The following DOCK4 variants were observed in gnomAD, a reference collection of about 807,000 sequenced individuals.
DOCK4 encodes the protein dedicator of cytokinesis 4.
In DOCK4, 97 loss-of-function variants were observed where a neutral mutation model predicts 268.1. The ratio of observed to expected loss-of-function variants is 0.36; its 90% CI spans 0.31 to 0.43. The LOEUF is 0.43. Among genes scored for constraint, DOCK4 ranks in the 20% least tolerant of loss-of-function variants. The probability of loss-of-function intolerance (pLI) is 1.00; values close to 1 mark genes in which losing one functional copy is unlikely to be tolerated. For synonymous variants in DOCK4, 954 were observed against 887.2 expected, an observed-to-expected ratio of 1.08 and a Z score of -1.34; for missense variants, 2,145 against 2,455.7, an observed-to-expected ratio of 0.87 and a Z score of 2.67.
At chr7:111,790,918 C>T (rs1015551706) in intron 30 of DOCK4, among the ~76,000 whole-genome samples, 2 of 150,736 alleles carry the variant, frequency 1.3e-5, no homozygotes, top group African/African-American at 2.4e-5. Context: ...ATTAGCCGGG[C>T]GGGGTGGTGG....
At chr7:112,112,641 C>G (rs910584612) in intron 1 of DOCK4, among the ~76,000 whole-genome samples, 3 of 150,274 alleles carry the variant, frequency 2.0e-5, no homozygotes, top group Non-Finnish European at 3.0e-5. Context: ...GAGACTCCAA[C>G]TCAAAAAAAA....
rs74552245 is a variant in DOCK4 at position 111,742,659 on chromosome 7, G to A, written c.4678-527C>T. Among the ~76,000 whole-genome samples, 7 of 152,228 alleles carry A rather than the reference G, an allele frequency of 4.6e-5. No individual in the cohort carries two copies. The East Asian group carries it at 1.2e-3, about 25-fold the overall frequency. On this transcript the variant is annotated intron_variant, in intron 44 of 52. Transcript: ENST00000428084. ...AGGATGGAAAAAACAAAACAAAAAG[G>A]AATTCTATGACAGTTTCCATGCTTC...
chr7:112,044,019 T>C, intron 1 of DOCK4, among the ~76,000 whole-genome samples: 1 of 150,552 alleles, frequency 6.6e-6, no homozygotes, highest in Middle Eastern at 3.3e-3. Context: ...AATGCTTTAC[T>C]TATGTCCTGT....
chr7:111,856,325 G>A lies in DOCK4; in HGVS notation c.2473+7047C>T, dbSNP rs1377213813. 3.9e-5 allele frequency among the ~76,000 whole-genome samples: 6 copies of A among 152,186 alleles called. 1 individual carries two copies. In the South Asian group the frequency reaches 1.0e-3, roughly 26 times the overall value. ...TTTACATTTGTTTTCAAAACCCACAGTTAAAACCTAGGGGCAACTATGATT... is the reference window on the plus strand; with the variant it reads ...TTTACATTTGTTTTCAAAACCCACAATTAAAACCTAGGGGCAACTATGATT... On this transcript the variant is annotated intron_variant, in intron 23 of 52. Transcript: ENST00000428084.
chr7:111,990,536 C>T (rs761607934), intron 5 of DOCK4, among the ~76,000 whole-genome samples: 1 of 152,172 alleles, frequency 6.6e-6, no homozygotes, highest in Non-Finnish European at 1.5e-5. Context: ...GTGTTATCTG[C>T]TTTTTCGGTA....
At chr7:111,773,296 A>T (rs1393916022) in intron 36 of DOCK4, among the ~76,000 whole-genome samples, 2 of 152,220 alleles carry the variant, frequency 1.3e-5, no homozygotes, top group Non-Finnish European at 2.9e-5. Context: ...GTCTCCAAGA[A>T]CAGAAATGAA....
At chr7:111,819,566 T>C (rs950965755) in intron 27 of DOCK4, 3 of 152,164 alleles carry the variant, frequency 2.0e-5, no homozygotes, top group African/African-American at 7.2e-5. Flanking sequence ...AATCACCAGG[T>C]GTCTGGTCAC....
Position 111,975,661 on chromosome 7 carries a change from G to A in DOCK4, c.701+1471C>T, listed in dbSNP as rs1438064927. 2.0e-5 allele frequency among the ~76,000 whole-genome samples: 3 copies of A among 152,020 alleles called. No homozygotes were observed. The East Asian group carries it at 5.8e-4, about 29-fold the overall frequency. On this transcript the variant is annotated intron_variant, in intron 8 of 52. Transcript: ENST00000428084. ...ACACCTCATAAATTTTGTCCCTGGTGCACAAAAACACCACCTTCTAAATTC... is the reference window on the plus strand; with the variant it reads ...ACACCTCATAAATTTTGTCCCTGGTACACAAAAACACCACCTTCTAAATTC...
chr7:111,879,783 C>G (rs1438505189), intron 16 of DOCK4, among the ~76,000 whole-genome samples: 1 of 152,056 alleles, frequency 6.6e-6, no homozygotes, highest in Non-Finnish European at 1.5e-5. Flanking sequence ...AACTGACATG[C>G]TGACGAATGC....
At chr7:111,758,520 T>A (rs759685201) in intron 41 of DOCK4, 104 bp downstream of exon 41, 187 of 1,299,810 alleles carry the variant, frequency 1.4e-4, no homozygotes, top group Non-Finnish European at 1.9e-4. Flanking sequence ...CCCTTCTGTT[T>A]CTGTCACTTG....
chr7:111,973,316 G>A (rs1797886237), intron 8 of DOCK4, among the ~76,000 whole-genome samples: 1 of 151,642 alleles, frequency 6.6e-6, no homozygotes, highest in Admixed American at 6.6e-5. Flanking sequence ...CTTTTCCTCT[G>A]GCATTTTACT....
chr7:111,989,007 A>T lies in DOCK4; in HGVS notation c.464+8T>A. 6.2e-7 allele frequency: 1 copy of T among 1,605,988 alleles called. No homozygotes were observed. The highest frequency in any genetic ancestry group is 8.5e-7 in the Non-Finnish European group (1 of 1,175,862). On this transcript the variant is annotated splice_region_variant and intron_variant, in intron 6 of 52. Coordinates refer to ENST00000428084, the MANE Select transcript of DOCK4 (RefSeq NM_001363540.2). ...ACTAGAGGCCGCCCTGTGATGCTCA[A>T]TACTCACTCATTGCCCCAGTCAAGC...
intron 1 of DOCK4, among the ~76,000 whole-genome samples, chr7:112,117,199 T>G (rs1048288507): frequency 1.3e-5 from 2 of 152,172 alleles, no homozygotes; most frequent in Admixed American, 6.5e-5. Flanking sequence ...CTCCCACCTT[T>G]TCACAGTAAC....
At chr7:111,998,095 C>T (rs1440962046) in intron 4 of DOCK4, among the ~76,000 whole-genome samples, 1 of 152,122 alleles carries the variant, frequency 6.6e-6, no homozygotes, top group Non-Finnish European at 1.5e-5. Flanking sequence ...CTAGGAAATT[C>T]CTGGGGTTTG....
chr7:111,814,067 C>T (rs372019785), intron 27 of DOCK4, among the ~76,000 whole-genome samples: 3 of 152,136 alleles, frequency 2.0e-5, no homozygotes, highest in African/African-American at 4.8e-5. Context: ...CTTAGATTGA[C>T]GTTCAGACAC....
chr7:111,760,102 G>T (rs766060456), intron 40 of DOCK4, 79 bp downstream of exon 40: 16 of 1,563,118 alleles, frequency 1.0e-5, no homozygotes, highest in Non-Finnish European at 1.4e-5. Flanking sequence ...ACTGGTGGCT[G>T]AACAACCTTG....
intron 1 of DOCK4, among the ~76,000 whole-genome samples, chr7:112,162,584 C>G (rs1817234778): frequency 6.6e-6 from 1 of 151,816 alleles, no homozygotes; most frequent in African/African-American, 2.4e-5. Context: ...CTCTCTTTTT[C>G]TATCCAAAAT....
chr7:112,151,007 C>T (rs567652749), intron 1 of DOCK4, among the ~76,000 whole-genome samples: 2 of 152,290 alleles, frequency 1.3e-5, no homozygotes, highest in Admixed American at 1.3e-4. Context: ...AGGTGAGCAG[C>T]GTTTCCTTAT....
chr7:111,949,840 C>A (rs1158402107), intron 8 of DOCK4, among the ~76,000 whole-genome samples: 1 of 152,160 alleles, frequency 6.6e-6, no homozygotes, highest in African/African-American at 2.4e-5. Flanking sequence ...TATTACTCAC[C>A]CACACTGAAA....
Sources: gnomAD v4.1 joint callset for allele counts (sites outside exome capture counted in the v4.1 genomes callset) on GRCh38, gnomAD v4.1.1 for gene constraint, MANE v1.5 for transcripts, NCBI Gene and HGNC (gene_info 2026-07-23, HGNC 2026-07-21) for gene names.